The following SLC25A24 variants were observed in gnomAD, a reference collection of about 807,000 sequenced individuals.
SLC25A24 encodes solute carrier family 25 member 24.
Under a neutral mutation model 60.7 loss-of-function variants are expected in SLC25A24, and 49 were observed. That is an observed-to-expected ratio of 0.81 (90% confidence interval 0.64 to 1.02). The LOEUF is 1.02. SLC25A24 is among the 50% of genes least tolerant of loss of function. The pLI, the probability that SLC25A24 is intolerant of heterozygous loss-of-function variation, is 0.00. For synonymous variants in SLC25A24, 202 were observed against 200.6 expected (o/e 1.01, Z -0.06); for missense variants, 564 against 586.3 (o/e 0.96, Z 0.39).
Position 108,161,268 on chromosome 1 carries a change from C to T in SLC25A24, c.424G>A (p.Val142Met), listed in dbSNP as rs2101618595. 6.3e-7 allele frequency: 1 copy of T among 1,593,190 alleles called. No homozygotes were observed. The highest frequency in any genetic ancestry group is 8.6e-7 in the Non-Finnish European group (1 of 1,162,890). The change falls in exon 4 of 10, where the codon GTG (valine) becomes ATG (methionine). Residue 142 changes from valine to methionine, a missense_variant. By Grantham distance (21) the Val-to-Met change is conservative. Coordinates refer to ENST00000565488, the MANE Select transcript of SLC25A24 (RefSeq NM_013386.5). ...QSIDVDGTMT[V>M]DWNEWRDYFL... Reference sequence around the variant, plus strand: ...TAGTCTCTCCATTCATTCCAGTCCACTGTCATTGTCCCATCAACATCAATG... The same window carrying T: ...TAGTCTCTCCATTCATTCCAGTCCATTGTCATTGTCCCATCAACATCAATG...
chr1:108,188,093 G>A (rs1053121784), intron 1 of SLC25A24, among the ~76,000 whole-genome samples: 3 of 151,830 alleles, frequency 2.0e-5, no homozygotes, highest in African/African-American at 7.3e-5. Context: ...GGATGCAGCT[G>A]AAGGCCATTA....
chr1:108,158,071 T>C (rs1215628798), intron 4 of SLC25A24, among the ~76,000 whole-genome samples: 12 of 152,202 alleles, frequency 7.9e-5, no homozygotes, highest in Admixed American at 7.9e-4. Flanking sequence ...CCACATCATA[T>C]TTATACCATG....
At chr1:108,180,524 T>C (rs958471080) in intron 3 of SLC25A24, among the ~76,000 whole-genome samples, 1 of 151,926 alleles carries the variant, frequency 6.6e-6, no homozygotes, top group Non-Finnish European at 1.5e-5. Flanking sequence ...TATCTGGAGA[T>C]AGCATCTTTA....
intron 3 of SLC25A24, among the ~76,000 whole-genome samples, chr1:108,168,396 C>T (rs1013047649): frequency 1.3e-5 from 2 of 152,136 alleles, no homozygotes; most frequent in African/African-American, 4.8e-5. Flanking sequence ...TAAGCATCCT[C>T]CACAAGGCAA....
At position 108,161,107 on chromosome 1, in the gene SLC25A24, C is replaced by T. The variant is rs535105443; in HGVS notation, c.510+75G>A. 4.8e-5 allele frequency: 37 copies of T among 778,040 alleles called. No individual in the cohort carries two copies. The South Asian group carries it at 5.8e-4, about 12-fold the overall frequency. 48.2% of individuals were successfully genotyped at this position (778,040 alleles called of 1,614,324 possible). On this transcript the variant is annotated intron_variant, in intron 4 of 9. Coordinates refer to ENST00000565488, the MANE Select transcript of SLC25A24 (RefSeq NM_013386.5). ...CAGGTATCCTGGCCCATAAGTGTTA[C>T]AGAGTGTTCTTGGGTGATAACTGTA...
intron 6 of SLC25A24, among the ~76,000 whole-genome samples, chr1:108,153,174 A>C (rs1190194656): frequency 6.6e-6 from 1 of 152,190 alleles, no homozygotes; most frequent in Non-Finnish European, 1.5e-5. Context: ...ACACTACCCC[A>C]CACTATTACA....
At chr1:108,186,480 C>A (rs1311421098) in intron 1 of SLC25A24, among the ~76,000 whole-genome samples, 1 of 151,780 alleles carries the variant, frequency 6.6e-6, no homozygotes, top group Non-Finnish European at 1.5e-5. Flanking sequence ...TCACTTGAGC[C>A]CAGGAATTTG....
intron 3 of SLC25A24, among the ~76,000 whole-genome samples, chr1:108,169,683 C>T (rs909202340): frequency 2.6e-5 from 4 of 152,106 alleles, no homozygotes; most frequent in Non-Finnish European, 5.9e-5. Flanking sequence ...TTTGCAAGAA[C>T]CATCTGGGGC....
At chr1:108,180,086 A>AGGCGC (rs1647858268) in intron 3 of SLC25A24, among the ~76,000 whole-genome samples, 2 of 152,150 alleles carry the variant, frequency 1.3e-5, no homozygotes, top group African/African-American at 4.8e-5. Flanking sequence ...GCTGCTGGCT[A>AGGCGC]GGTGCGGTGG....
rs1477148701 is a variant in SLC25A24 at position 108,181,993 on chromosome 1, G to C, written c.346C>G (p.Gln116Glu). The C allele has an allele frequency of 6.2e-7, 1 of 1,612,046 alleles. No individual in the cohort carries two copies. The highest frequency in any genetic ancestry group is 1.3e-5 in the African/African-American group (1 of 74,830). ...TCAGAAATAGTCAGACCCAGTGTCT[G>C]GAGAGACTGGACAATTTCTGAAGCC... ...IEASEIVQSL[Q>E]TLGLTISEQQ... is the part of the protein sequence containing the mutation. The change falls in exon 3 of 10, where the codon CAG (glutamine) becomes GAG (glutamate). Residue 116 changes from glutamine (Q) to glutamate (E), a missense_variant. Gln to Glu is a conservative substitution (Grantham distance 29). Transcript: ENST00000565488.
chr1:108,175,916 C>A (rs1385825447), intron 3 of SLC25A24, among the ~76,000 whole-genome samples: 1 of 152,114 alleles, frequency 6.6e-6, no homozygotes, highest in Non-Finnish European at 1.5e-5. Flanking sequence ...AGCCAGTCTG[C>A]AAAGACTGAA....
chr1:108,169,941 A>G (rs914166298), intron 3 of SLC25A24, among the ~76,000 whole-genome samples: 1 of 151,888 alleles, frequency 6.6e-6, no homozygotes, highest in Admixed American at 6.6e-5. Context: ...TTTTTTCTTC[A>G]TCAATCTTTC....
In SLC25A24 at chr1:108,200,067, G is replaced by A. The variant is rs374803208; in HGVS notation, c.72C>T (p.Tyr24=). 9.7e-5 allele frequency: 155 copies of A among 1,595,098 alleles called. 2 individuals are homozygous for A. The East Asian group carries it at 1.3e-3, about 13-fold the overall frequency. The change falls in exon 1 of 10, where the codon TAC becomes TAT. Residue 24 remains tyrosine (Y), a synonymous_variant. Coordinates refer to ENST00000565488, the MANE Select transcript of SLC25A24 (RefSeq NM_013386.5). The part of the protein sequence containing the change: ...ACQDAEQPTR[Y]ETLFQALDRN... ...GGTCCAGTGCCTGGAAGAGGGTCTC[G>A]TAGCGCGTCGGCTGCTCCGCGTCCT...
intron 6 of SLC25A24, among the ~76,000 whole-genome samples, chr1:108,149,681 A>G (rs1191622623): frequency 1.3e-5 from 2 of 152,178 alleles, no homozygotes; most frequent in Non-Finnish European, 2.9e-5. Flanking sequence ...AGAGGTAAGC[A>G]GCTGCTGTCA....
At chr1:108,162,107 C>T (rs1680104125) in intron 3 of SLC25A24, among the ~76,000 whole-genome samples, 2 of 152,084 alleles carry the variant, frequency 1.3e-5, no homozygotes, top group Non-Finnish European at 1.5e-5. Flanking sequence ...TCATCCATGT[C>T]CCTACAAAAG....
rs1648596635 is a variant in SLC25A24 at position 108,199,566 on chromosome 1, C to T, written c.183+390G>A. ...CTTCGAAAGAGATCGAATGTGTGCG[C>T]CTTTATACAAAACTTGGGACCCACT... On this transcript the variant is annotated intron_variant, in intron 1 of 9. Transcript: ENST00000565488. 2.6e-5 allele frequency: 9 copies of T among 341,602 alleles called. No homozygotes were observed. The East Asian group carries it at 4.2e-4, about 16-fold the overall frequency. The allele number at this position is 341,602 out of a possible 1,614,324, so 21.2% of individuals were successfully genotyped here.
At chr1:108,182,161 A>G (rs1647952707) in intron 2 of SLC25A24, 133 bp from the exon 3 acceptor site, 1 of 583,994 alleles carries the variant, frequency 1.7e-6, no homozygotes, top group South Asian at 2.3e-5. Context: ...TAGGTGAGTT[A>G]TAGACTTGCT....
chr1:108,148,039 T>A (rs527282808), intron 7 of SLC25A24, among the ~76,000 whole-genome samples: 1 of 152,144 alleles, frequency 6.6e-6, no homozygotes, highest in Non-Finnish European at 1.5e-5. Flanking sequence ...GGCAGCAACA[T>A]GAGTGAGCTT....
chr1:108,165,238 G>A (rs537763379), intron 3 of SLC25A24, among the ~76,000 whole-genome samples: 140 of 152,300 alleles, frequency 9.2e-4, no homozygotes, highest in Admixed American at 1.6e-3. Flanking sequence ...TGGAATAGCC[G>A]TGGTGTGGTG....
Sources: gnomAD v4.1 joint callset for allele counts (sites outside exome capture counted in the v4.1 genomes callset) on GRCh38, gnomAD v4.1.1 for gene constraint, MANE v1.5 for transcripts, NCBI Gene and HGNC (gene_info 2026-07-23, HGNC 2026-07-21) for gene names.